The following PRKCE variants were observed in gnomAD, a reference collection of about 807,000 sequenced individuals.
PRKCE encodes the protein protein kinase C epsilon.
In PRKCE, 16 loss-of-function variants were observed where a neutral mutation model predicts 85.4. The observed-to-expected ratio is 0.19, with a 90% CI of 0.13 to 0.28. PRKCE has a LOEUF of 0.28. PRKCE is among the 10% of genes least tolerant of loss of function. The pLI is 1.00. For synonymous variants in PRKCE, 388 were observed against 371.5 expected (o/e 1.04, Z -0.51); for missense variants, 573 against 975.2 (o/e 0.59, Z 5.49).
chr2:45,773,121 G>A (rs1247006078), intron 1 of PRKCE, among the ~76,000 whole-genome samples: 1 of 152,182 alleles, frequency 6.6e-6, no homozygotes, highest in Non-Finnish European at 1.5e-5. Flanking sequence ...CTTTTGAGCA[G>A]GACCTCTCAG....
intron 14 of PRKCE, among the ~76,000 whole-genome samples, chr2:46,179,834 C>T (rs1679791761): frequency 6.6e-6 from 1 of 152,184 alleles, no homozygotes; most frequent in Non-Finnish European, 1.5e-5. Context: ...AATCAGACTA[C>T]AGCCATCCCC....
At chr2:46,044,034 A>C (rs777024883) in intron 10 of PRKCE, among the ~76,000 whole-genome samples, 3 of 152,246 alleles carry the variant, frequency 2.0e-5, no homozygotes, top group Non-Finnish European at 4.4e-5. Flanking sequence ...TTAGGATTTC[A>C]TGCCAACCAC....
At chr2:45,698,064 T>C (rs1678301597) in intron 1 of PRKCE, 1 of 152,624 alleles carries the variant, frequency 6.6e-6, no homozygotes, top group Non-Finnish European at 1.5e-5. Context: ...AAGATTCTAG[T>C]GGACGTCAGT....
chr2:45,875,596 TTTG>T (rs1253545067), intron 2 of PRKCE, among the ~76,000 whole-genome samples: 5 of 152,144 alleles, frequency 3.3e-5, no homozygotes, highest in Admixed American at 6.6e-5. Flanking sequence ...GATTGAGTTT[TTTG>T]TTGTTGTTGT....
At chr2:45,825,713 A>G (rs1689890663) in intron 1 of PRKCE, among the ~76,000 whole-genome samples, 2 of 152,120 alleles carry the variant, frequency 1.3e-5, no homozygotes, top group African/African-American at 4.8e-5. Context: ...GCGAGACCCT[A>G]TCTCTACAAA....
At chr2:45,978,597 T>C in intron 3 of PRKCE, 1 of 190,754 alleles carries the variant, frequency 5.2e-6, no homozygotes, top group Non-Finnish European at 1.1e-5. Context: ...GAGCGTGTCC[T>C]GGTGCTGGGA....
intron 10 of PRKCE, among the ~76,000 whole-genome samples, chr2:46,079,826 G>A (rs1461215605): frequency 2.0e-5 from 3 of 152,208 alleles, no homozygotes; most frequent in Non-Finnish European, 4.4e-5. Context: ...AGACAGGAAA[G>A]ATTAACGCTC....
intron 1 of PRKCE, among the ~76,000 whole-genome samples, chr2:45,741,191 C>T (rs1172982806): frequency 7.2e-5 from 11 of 152,184 alleles, no homozygotes; most frequent in African/African-American, 2.7e-4. Context: ...TGGAAGCAGT[C>T]TTAGGCTGTA....
intron 5 of PRKCE, among the ~76,000 whole-genome samples, chr2:45,983,033 C>T (rs113581502): frequency 4.9e-4 from 74 of 152,304 alleles, no homozygotes; most frequent in African/African-American, 1.8e-3. Flanking sequence ...GTCAACATGT[C>T]TACATTCACA....
At chr2:45,810,931 A>G (rs578005709) in intron 1 of PRKCE, among the ~76,000 whole-genome samples, 2 of 152,180 alleles carry the variant, frequency 1.3e-5, no homozygotes, top group East Asian at 3.8e-4. Context: ...CCCAATCATC[A>G]TTTTTGTCCA....
At chr2:46,074,950 T>C (rs942918392) in intron 10 of PRKCE, among the ~76,000 whole-genome samples, 3 of 152,170 alleles carry the variant, frequency 2.0e-5, no homozygotes, top group Non-Finnish European at 4.4e-5. Context: ...AAGAAGAGCA[T>C]TGGTAGAGGG....
At chr2:46,096,787 C>T (rs930772016) in intron 11 of PRKCE, among the ~76,000 whole-genome samples, 2 of 152,174 alleles carry the variant, frequency 1.3e-5, no homozygotes, top group African/African-American at 2.4e-5. Context: ...CTAGTATTGC[C>T]ACTTACTAAC....
chr2:45,884,440 G>C (rs1558792151), intron 2 of PRKCE, among the ~76,000 whole-genome samples: 1 of 152,196 alleles, frequency 6.6e-6, no homozygotes, highest in Non-Finnish European at 1.5e-5. Context: ...AGATCTCCCT[G>C]TTCTGCAATC....
At chr2:46,144,823 T>A (rs1364834587) in intron 11 of PRKCE, among the ~76,000 whole-genome samples, 1 of 152,200 alleles carries the variant, frequency 6.6e-6, no homozygotes, top group Non-Finnish European at 1.5e-5. Context: ...TATATATACC[T>A]ACTGACTTAG....
intron 11 of PRKCE, among the ~76,000 whole-genome samples, chr2:46,131,225 G>A (rs1267851571): frequency 6.6e-6 from 1 of 152,204 alleles, no homozygotes; most frequent in Admixed American, 6.5e-5. Context: ...GGAGTCAGAG[G>A]CAGGGGTGAG....
chr2:46,132,649 A>C (rs913919801), intron 11 of PRKCE, among the ~76,000 whole-genome samples: 2 of 152,152 alleles, frequency 1.3e-5, no homozygotes, highest in Admixed American at 1.3e-4. Flanking sequence ...GGCCCATAAC[A>C]GGGCATAAGC....
chr2:45,967,185 G>A (rs1317115180), intron 2 of PRKCE, among the ~76,000 whole-genome samples: 1 of 152,192 alleles, frequency 6.6e-6, no homozygotes, highest in African/African-American at 2.4e-5. Flanking sequence ...GTCCTCAGAT[G>A]TGGAGCGGTA....
intron 10 of PRKCE, among the ~76,000 whole-genome samples, chr2:46,025,168 G>A (rs34939807): frequency 0.28 from 42,556 of 151,904 alleles, 6,547 homozygotes; most frequent in Middle Eastern, 0.38. Context: ...GAGAACTCCC[G>A]GGGTTGGCAA....
At chr2:46,109,629 C>G (rs1317204267) in intron 11 of PRKCE, among the ~76,000 whole-genome samples, 7 of 152,202 alleles carry the variant, frequency 4.6e-5, no homozygotes, top group African/African-American at 1.7e-4. Flanking sequence ...TCTACATAGA[C>G]AATTATGTCA....
Sources: allele counts gnomAD v4.1 joint callset (sites outside exome capture counted in the v4.1 genomes callset), GRCh38; gene constraint gnomAD v4.1.1; transcripts MANE v1.5; gene names NCBI Gene and HGNC (gene_info 2026-07-23, HGNC 2026-07-21).